The following UBE2G1 variants were observed in gnomAD, a reference collection of about 807,000 sequenced individuals.
UBE2G1 encodes ubiquitin conjugating enzyme E2 G1, also known as ubiquitin-conjugating enzyme E2 G1.
UBE2G1 carries 5 observed loss-of-function variants against 22.7 expected under a neutral mutation model. The ratio of observed to expected loss-of-function variants is 0.22; its 90% CI spans 0.12 to 0.46. The LOEUF (loss-of-function observed/expected upper bound fraction) is 0.46, where lower values mean the gene tolerates loss of function less well. Among genes scored for constraint, UBE2G1 ranks in the 20% least tolerant of loss-of-function variants. The probability of loss-of-function intolerance (pLI) is 0.99; values close to 1 mark genes in which losing one functional copy is unlikely to be tolerated. For missense variants in UBE2G1, 88 were observed against 203.9 expected (o/e 0.43, Z 3.46); for synonymous variants, 74 against 67.5 (o/e 1.10, Z -0.47).
intron 1 of UBE2G1, among the ~76,000 whole-genome samples, chr17:4,349,841 TC>T (rs1012578534): frequency 2.0e-5 from 2 of 98,782 alleles, no homozygotes; most frequent in African/African-American, 7.2e-5. Flanking sequence ...AGATTCCGTC[TC>T]AAAAAAAAAA....
chr17:4,362,751 TG>T lies in UBE2G1; in HGVS notation c.46+3519del, dbSNP rs1439572024. 7.2e-5 allele frequency among the ~76,000 whole-genome samples: 11 copies of T among 152,232 alleles called. No homozygotes were observed. The East Asian group carries it at 1.7e-3, about 24-fold the overall frequency. On this transcript the variant is annotated intron_variant, in intron 1 of 5. Transcript: ENST00000396981. Reference sequence around the variant, plus strand: ...AGTACATGCCTGTAATCTCAGCTACTGGGGGCCGCAGGGGGCAGCAGAATCG... The same window carrying T: ...AGTACATGCCTGTAATCTCAGCTACTGGGGCCGCAGGGGGCAGCAGAATCG...
At chr17:4,321,545 C>T (rs4456561) in intron 1 of UBE2G1, among the ~76,000 whole-genome samples, 64,558 of 151,918 alleles carry the variant, frequency 0.42, 15,799 homozygotes, top group African/African-American at 0.68. Flanking sequence ...CAGGCTGGAG[C>T]GCAGTAGTGT....
chr17:4,336,512 T>C lies in UBE2G1; in HGVS notation c.47-29389A>G, dbSNP rs79736745. 2.2e-4 allele frequency among the ~76,000 whole-genome samples: 33 copies of C among 152,224 alleles called. 1 individual carries two copies. In the East Asian group the frequency reaches 5.8e-3, roughly 27 times the overall value. ...TTATAAAACTATATATACCAAAATT[T>C]TCATAATATATAGTTACAACAAAAA... is the stretch of plus-strand genomic sequence containing the variant. On this transcript the variant is annotated intron_variant, in intron 1 of 5. Transcript: ENST00000396981.
chr17:4,291,698 G>A (rs1174714226), intron 3 of UBE2G1, among the ~76,000 whole-genome samples: 1 of 152,114 alleles, frequency 6.6e-6, no homozygotes, highest in Non-Finnish European at 1.5e-5. Flanking sequence ...TATTTTAAAG[G>A]ATTGTATCAA....
intron 1 of UBE2G1, among the ~76,000 whole-genome samples, chr17:4,347,320 C>T (rs1969788889): frequency 1.3e-5 from 2 of 152,112 alleles, no homozygotes; most frequent in South Asian, 4.1e-4. Flanking sequence ...GTTTCATTCA[C>T]AGGCACATCT....
intron 3 of UBE2G1, among the ~76,000 whole-genome samples, chr17:4,291,752 C>G (rs1969044848): frequency 6.6e-6 from 1 of 152,126 alleles, no homozygotes; most frequent in African/African-American, 2.4e-5. Flanking sequence ...TTCATTGCCT[C>G]CTCAGGATGA....
chr17:4,344,732 G>A (rs1448861811), intron 1 of UBE2G1, among the ~76,000 whole-genome samples: 2 of 151,984 alleles, frequency 1.3e-5, no homozygotes, highest in African/African-American at 4.8e-5. Flanking sequence ...TGTACCATGT[G>A]GTGGTATAGT....
chr17:4,355,726 C>T (rs1453568257), intron 1 of UBE2G1, among the ~76,000 whole-genome samples: 2 of 141,330 alleles, frequency 1.4e-5, no homozygotes, highest in Non-Finnish European at 3.1e-5. Context: ...TTTTCTGAGA[C>T]GGAATTTCTT....
chr17:4,365,973 A>G (rs1157514194), intron 1 of UBE2G1, among the ~76,000 whole-genome samples: 1 of 151,648 alleles, frequency 6.6e-6, no homozygotes, highest in Non-Finnish European at 1.5e-5. Flanking sequence ...ACCCGCACAC[A>G]GCCCCTCCCC....
intron 1 of UBE2G1, among the ~76,000 whole-genome samples, chr17:4,352,499 C>G (rs1242435569): frequency 6.6e-6 from 1 of 152,170 alleles, no homozygotes; most frequent in Non-Finnish European, 1.5e-5. Flanking sequence ...AAACTACGGT[C>G]AGAAAGCTGG....
intron 3 of UBE2G1, among the ~76,000 whole-genome samples, chr17:4,290,225 T>C (rs571473439): frequency 2.6e-5 from 4 of 152,216 alleles, no homozygotes; most frequent in Admixed American, 2.6e-4. Flanking sequence ...AAATCATACT[T>C]TGAGGAAGAA....
intron 1 of UBE2G1, among the ~76,000 whole-genome samples, chr17:4,363,855 G>C (rs1015496745): frequency 3.3e-5 from 5 of 150,134 alleles, no homozygotes; most frequent in Admixed American, 1.3e-4. Flanking sequence ...GGGAAGCTCA[G>C]GCAGGGGAAT....
intron 1 of UBE2G1, among the ~76,000 whole-genome samples, chr17:4,361,535 AAAAATAAAAT>A (rs1159171509): frequency 6.6e-6 from 1 of 152,162 alleles, no homozygotes; most frequent in South Asian, 2.1e-4. Flanking sequence ...TCAAAAAAAT[AAAAATAAAAT>A]AAAATAAATA....
At chr17:4,324,209 T>G (rs1258257154) in intron 1 of UBE2G1, among the ~76,000 whole-genome samples, 3 of 152,222 alleles carry the variant, frequency 2.0e-5, no homozygotes, top group Admixed American at 2.0e-4. Flanking sequence ...CCAAAATGTT[T>G]ACACTGAATC....
At chr17:4,286,883 AAC>A (rs1438859158) in intron 4 of UBE2G1, among the ~76,000 whole-genome samples, 63 of 152,076 alleles carry the variant, frequency 4.1e-4, no homozygotes, top group African/African-American at 1.5e-3. Context: ...CTCTACTAAA[AAC>A]ACACAAAAAA....
intron 5 of UBE2G1, among the ~76,000 whole-genome samples, chr17:4,278,713 C>T (rs1043543358): frequency 4.6e-5 from 7 of 152,108 alleles, no homozygotes; most frequent in East Asian, 1.9e-4. Context: ...GCATTTACTT[C>T]CTAAGCAGAT....
At chr17:4,294,535 AG>A (rs1295077105) in intron 3 of UBE2G1, among the ~76,000 whole-genome samples, 1 of 152,160 alleles carries the variant, frequency 6.6e-6, no homozygotes, top group Non-Finnish European at 1.5e-5. Context: ...TAAACTACCT[AG>A]GTGATTGCTC....
intron 1 of UBE2G1, among the ~76,000 whole-genome samples, chr17:4,348,407 G>T (rs1415875749): frequency 2.6e-5 from 4 of 151,008 alleles, no homozygotes; most frequent in Non-Finnish European, 5.9e-5. Flanking sequence ...CAAAAAATTA[G>T]CCGGGCGTAG....
intron 2 of UBE2G1, chr17:4,302,090 C>G: frequency 1.9e-6 from 1 of 523,470 alleles, no homozygotes; most frequent in South Asian, 1.4e-5. Context: ...AGGATTTCTC[C>G]TTACCCCTGT....
Sources: allele counts gnomAD v4.1 joint callset (sites outside exome capture counted in the v4.1 genomes callset), GRCh38; gene constraint gnomAD v4.1.1; transcripts MANE v1.5; gene names NCBI Gene and HGNC (gene_info 2026-07-23, HGNC 2026-07-21).